The following ZNF236 variants were observed in gnomAD, a reference collection of about 807,000 sequenced individuals.
ZNF236 encodes regulated by glucose.
Under a neutral mutation model 191.2 loss-of-function variants are expected in ZNF236, and 50 were observed. That is an observed-to-expected ratio of 0.26 (90% confidence interval 0.21 to 0.33). The LOEUF (loss-of-function observed/expected upper bound fraction) is 0.33. Among genes scored for constraint, ZNF236 ranks in the 10% least tolerant of loss-of-function variants. ZNF236 has a pLI of 1.00. For synonymous variants in ZNF236, 907 were observed against 928.8 expected (o/e 0.98, Z 0.43); for missense variants, 1,754 against 2,374.5 (o/e 0.74, Z 5.43).
rs764295476 is a variant in ZNF236 at position 76,849,647 on chromosome 18, G to T, written c.177G>T (p.Arg59Ser). ...PKESQFQRHM[R>S]DHERNDKPHR... ...AATCCCAGTTTCAACGCCACATGAG[G>T]GATCACGAGCGAAATGACAAGGTAT... is the stretch of plus-strand genomic sequence containing the variant. Residue 59 changes from arginine to serine, a missense_variant, in exon 2 of 31, where the codon AGG (arginine) becomes AGT (serine). Physicochemically the swap from Arg to Ser is moderately radical, Grantham distance 110. Around this residue, in one of 5 missense-constraint regions of ZNF236, gnomAD observed 336 missense variants for 495.1 expected, o/e 0.68. Coordinates refer to ENST00000320610, the MANE Select transcript of ZNF236 (RefSeq NM_001306089.2). 1 of 1,589,114 alleles carries T rather than the reference G, an allele frequency of 6.3e-7. No individual in the cohort carries two copies.
chr18:76,904,022 A>G (rs1977672756), intron 11 of ZNF236, among the ~76,000 whole-genome samples: 1 of 150,696 alleles, frequency 6.6e-6, no homozygotes, highest in African/African-American at 2.4e-5. Context: ...ACAAATGCCC[A>G]TATAGAAAGT....
chr18:76,871,283 A>C (rs1976576877), intron 4 of ZNF236, among the ~76,000 whole-genome samples: 1 of 152,210 alleles, frequency 6.6e-6, no homozygotes. Flanking sequence ...AGGAGGAGGC[A>C]GAGTTGCTGG....
chr18:76,955,127 A>G (rs1179959558), intron 27 of ZNF236, among the ~76,000 whole-genome samples: 1 of 152,212 alleles, frequency 6.6e-6, no homozygotes, highest in African/African-American at 2.4e-5. Context: ...AAGCTGAGTC[A>G]GCCAGGTACA....
chr18:76,850,228 G>A (rs935988734), intron 2 of ZNF236, among the ~76,000 whole-genome samples: 3 of 152,170 alleles, frequency 2.0e-5, no homozygotes, highest in Non-Finnish European at 4.4e-5. Context: ...TTAAAAAAGT[G>A]ATTGTCAACT....
intron 28 of ZNF236, among the ~76,000 whole-genome samples, chr18:76,956,812 C>T (rs75449788): frequency 0.064 from 9,724 of 152,176 alleles, 1,007 homozygotes; most frequent in African/African-American, 0.22. Context: ...CCCAGGGCGC[C>T]GTCTTCCGTG....
At chr18:76,846,459 A>C (rs1387698936) in intron 1 of ZNF236, among the ~76,000 whole-genome samples, 2 of 152,194 alleles carry the variant, frequency 1.3e-5, no homozygotes, top group Non-Finnish European at 2.9e-5. Flanking sequence ...TCAGGGTGGA[A>C]GGTGCTTCCA....
At chr18:76,832,128 C>T (rs1975186866) in intron 1 of ZNF236, among the ~76,000 whole-genome samples, 1 of 152,118 alleles carries the variant, frequency 6.6e-6, no homozygotes, top group Non-Finnish European at 1.5e-5. Context: ...CACCCAGGCT[C>T]AAGTGCAGTA....
intron 19 of ZNF236, 27 bp downstream of exon 19, chr18:76,915,886 G>A (rs780597899): frequency 2.5e-6 from 4 of 1,592,830 alleles, no homozygotes; most frequent in South Asian, 1.1e-5. Context: ...GATTCAAGGT[G>A]TATTAACCCG....
chr18:76,848,521 T>G (rs1324213291), intron 1 of ZNF236, among the ~76,000 whole-genome samples: 1 of 152,234 alleles, frequency 6.6e-6, no homozygotes, highest in African/African-American at 2.4e-5. Context: ...ATTTGTCATA[T>G]ATAGTCTTAT....
chr18:76,868,905 A>G (rs373399868), intron 4 of ZNF236, 42 bp downstream of exon 4: 13 of 1,540,556 alleles, frequency 8.4e-6, no homozygotes, highest in South Asian at 1.2e-5. Flanking sequence ...TCCATCTAAT[A>G]TGTTAAAAGC....
intron 25 of ZNF236, among the ~76,000 whole-genome samples, chr18:76,933,350 A>G (rs1484862589): frequency 2.0e-5 from 3 of 151,910 alleles, no homozygotes; most frequent in Non-Finnish European, 4.4e-5. Context: ...GGTGCCTGTA[A>G]TCCCAGCTAC....
At chr18:76,878,191 A>T (rs1328697329) in intron 7 of ZNF236, 39 bp downstream of exon 7, 1 of 1,536,200 alleles carries the variant, frequency 6.5e-7, no homozygotes, top group East Asian at 2.3e-5. Context: ...TTTTAAACTA[A>T]AATCTGTCAT....
intron 4 of ZNF236, among the ~76,000 whole-genome samples, 180 bp from the exon 5 acceptor site, chr18:76,871,521 G>A (rs528850167): frequency 6.6e-6 from 1 of 152,230 alleles, no homozygotes; most frequent in East Asian, 1.9e-4. Flanking sequence ...AGAAAAATGA[G>A]TTTTATGATT....
chr18:76,864,196 C>CTTTTTTT (rs1202084465), intron 3 of ZNF236, among the ~76,000 whole-genome samples: 3 of 132,176 alleles, frequency 2.3e-5, no homozygotes, highest in East Asian at 2.2e-4. Context: ...CAACAAATAT[C>CTTTTTTT]TTTTTTTTTT....
chr18:76,915,498 CT>C (rs5826484), intron 18 of ZNF236, 148 bp from the exon 19 acceptor site: 243,134 of 604,076 alleles, frequency 0.4, 10,332 homozygotes, highest in East Asian at 0.47. Flanking sequence ...TTGTAATTTA[CT>C]TTTTTTTTTT....
At chr18:76,827,625 G>A (rs535526178) in intron 1 of ZNF236, among the ~76,000 whole-genome samples, 4 of 152,204 alleles carry the variant, frequency 2.6e-5, no homozygotes, top group Non-Finnish European at 5.9e-5. Flanking sequence ...GGCACCTGAA[G>A]TCTAGGCTTC....
In ZNF236 at chr18:76,910,692, C is replaced by T; in HGVS notation, c.2686C>T (p.Pro896Ser). ...FTVTDTYHQQ[P>S]QFPPVQQLQD... ...AGTGACTGATACGTACCATCAGCAGCCTCAGTTTCCACCTGTCCAACAGCT... is the reference window on the plus strand; with the variant it reads ...AGTGACTGATACGTACCATCAGCAGTCTCAGTTTCCACCTGTCCAACAGCT... The change falls in exon 16 of 31, where the codon CCT (proline) becomes TCT (serine). Residue 896 changes from proline to serine, a missense_variant. Physicochemically the swap from Pro to Ser is moderately conservative, Grantham distance 74 (BLOSUM62 -1). Around this residue, in one of 5 missense-constraint regions of ZNF236, gnomAD observed 641 missense variants for 869.6 expected, o/e 0.74. Transcript: ENST00000320610. 1 of 1,614,166 alleles carries T rather than the reference C, an allele frequency of 6.2e-7. No individual in the cohort carries two copies. Among genetic ancestry groups the T allele is most frequent in the Non-Finnish European group, 8.5e-7 (1 of 1,180,002 alleles).
At chr18:76,947,120 A>G (rs1415302152) in intron 26 of ZNF236, among the ~76,000 whole-genome samples, 1 of 151,912 alleles carries the variant, frequency 6.6e-6, no homozygotes, top group African/African-American at 2.4e-5. Context: ...TGGGTATTTC[A>G]TAGAAATGTG....
chr18:76,958,422 G>A (rs889578776), intron 28 of ZNF236, among the ~76,000 whole-genome samples: 1 of 152,136 alleles, frequency 6.6e-6, no homozygotes, highest in African/African-American at 2.4e-5. Context: ...TTTCTCTGGA[G>A]GTCAGAGAAA....
Sources: gnomAD v4.1 joint callset for allele counts (sites outside exome capture counted in the v4.1 genomes callset) on GRCh38, gnomAD v4.1.1 for gene constraint, gnomAD v4.1.1 regional missense constraint, MANE v1.5 for transcripts, NCBI Gene and HGNC (gene_info 2026-07-23, HGNC 2026-07-21) for gene names.